Variants in KIF16B observed in about 807,000 individuals in gnomAD.
The protein encoded by KIF16B is kinesin family member 16B.
A neutral mutation model predicts 156.3 loss-of-function variants in KIF16B; 98 were observed. The ratio of observed to expected loss-of-function variants is 0.63; its 90% CI spans 0.53 to 0.74. The LOEUF (loss-of-function observed/expected upper bound fraction) is 0.74. Among genes scored for constraint, KIF16B ranks in the 30% least tolerant of loss-of-function variants. The pLI is 0.00. For synonymous variants in KIF16B, 564 were observed against 583.7 expected (o/e 0.97, Z 0.49); for missense variants, 1,421 against 1,606.5 (o/e 0.88, Z 1.97).
chr20:16,316,127 T>C (rs959227594), intron 24 of KIF16B, among the ~76,000 whole-genome samples: 5 of 152,200 alleles, frequency 3.3e-5, no homozygotes, highest in Non-Finnish European at 7.3e-5. Context: ...AAATTGCCAG[T>C]TCTGTAAGTT....
intron 1 of KIF16B, among the ~76,000 whole-genome samples, chr20:16,549,797 T>G: frequency 7.8e-6 from 1 of 128,530 alleles, no homozygotes; most frequent in Non-Finnish European, 1.6e-5. Context: ...TAGCCATATG[T>G]AGGAAGCTGA....
At chr20:16,403,596 G>T (rs941269173) in intron 17 of KIF16B, among the ~76,000 whole-genome samples, 4 of 152,174 alleles carry the variant, frequency 2.6e-5, no homozygotes, top group African/African-American at 9.7e-5. Context: ...GGAAAGCGGG[G>T]GTGGGGGCGC....
intron 25 of KIF16B, among the ~76,000 whole-genome samples, chr20:16,276,225 T>G (rs1255635718): frequency 6.6e-6 from 1 of 152,100 alleles, no homozygotes; most frequent in Non-Finnish European, 1.5e-5. Context: ...GTACACAAAG[T>G]AGGGTCCCTA....
intron 22 of KIF16B, chr20:16,368,775 G>A: frequency 2.0e-6 from 2 of 985,838 alleles, no homozygotes; most frequent in Non-Finnish European, 2.4e-6. Flanking sequence ...ACAGAACCAA[G>A]CAGAGCACCT....
rs758327212 is a variant in KIF16B, at chr20:16,406,397, C to A, written c.1672G>T (p.Ala558Ser). ...ACCTTCCTCTTCTCCCTGAGCTTGG[C>A]GGCTTCCTTTGGATGGTTAAAGCGA... ...MFRFNHPKEA[A>S]KLREKRKSGL... The change falls in exon 16 of 26, where the codon GCC (alanine) becomes TCC (serine). Residue 558 changes from alanine (A) to serine (S), a missense_variant. Transcript: ENST00000354981. 1 of 1,613,516 alleles carries A rather than the reference C, an allele frequency of 6.2e-7. No individual in the cohort carries two copies. Among genetic ancestry groups the A allele is most frequent in the Admixed American group, 1.7e-5 (1 of 59,996 alleles).
chr20:16,536,694 A>G (rs1311527811), intron 1 of KIF16B, among the ~76,000 whole-genome samples: 1 of 152,168 alleles, frequency 6.6e-6, no homozygotes, highest in Non-Finnish European at 1.5e-5. Flanking sequence ...TCTTTGTTAC[A>G]TGTCTTCCTT....
Position 16,356,440 on chromosome 20 carries a change from G to A in KIF16B, c.3511C>T (p.Arg1171Cys), listed in dbSNP as rs1235948663. ...RKLKYERMVS[R>C]SLGANPDDLK... ...TCATCTGGATTTGCGCCCAAAGAGCGAGAAACCATCCGCTATCAAAGGCAT... is the reference window on the plus strand; with the variant it reads ...TCATCTGGATTTGCGCCCAAAGAGCAAGAAACCATCCGCTATCAAAGGCAT... Residue 1171 changes from arginine to cysteine, a missense_variant, in exon 23 of 26, where the codon CGC becomes TGC. Coordinates refer to ENST00000354981, the MANE Select transcript of KIF16B (RefSeq NM_024704.5). 9 of 1,614,066 alleles carry A rather than the reference G, an allele frequency of 5.6e-6. No homozygotes were observed. The highest frequency in any genetic ancestry group is 2.7e-5 in the African/African-American group (2 of 75,028).
At chr20:16,304,492 C>T (rs1444161306) in intron 25 of KIF16B, among the ~76,000 whole-genome samples, 1 of 152,128 alleles carries the variant, frequency 6.6e-6, no homozygotes, top group East Asian at 1.9e-4. Flanking sequence ...TTCAAAAATG[C>T]TTTGCTGCTG....
intron 22 of KIF16B, among the ~76,000 whole-genome samples, chr20:16,366,333 G>A (rs1338453537): frequency 6.6e-6 from 1 of 152,130 alleles, no homozygotes; most frequent in East Asian, 1.9e-4. Flanking sequence ...CCTCTAAGGG[G>A]ACTATATATT....
At chr20:16,474,491 G>C (rs1235094398) in intron 12 of KIF16B, among the ~76,000 whole-genome samples, 1 of 152,150 alleles carries the variant, frequency 6.6e-6, no homozygotes, top group Admixed American at 6.5e-5. Context: ...TTTTATTGAG[G>C]ACAGCAATAT....
chr20:16,367,022 G>T, intron 22 of KIF16B: 1 of 1,348,322 alleles, frequency 7.4e-7, no homozygotes. Flanking sequence ...TTAGAGGTCT[G>T]CATTTTTCCA....
At chr20:16,420,521 G>A (rs2066199794) in intron 15 of KIF16B, among the ~76,000 whole-genome samples, 1 of 152,088 alleles carries the variant, frequency 6.6e-6, no homozygotes. Context: ...AACTGGAAAG[G>A]GGTGGTGGAA....
chr20:16,348,288 G>A (rs1568871679), intron 23 of KIF16B, among the ~76,000 whole-genome samples: 1 of 152,236 alleles, frequency 6.6e-6, no homozygotes, highest in Non-Finnish European at 1.5e-5. Context: ...ACATTAAAAT[G>A]AGTAAGTAAG....
At chr20:16,435,729 C>T (rs2066624725) in intron 12 of KIF16B, among the ~76,000 whole-genome samples, 1 of 152,098 alleles carries the variant, frequency 6.6e-6, no homozygotes, top group Non-Finnish European at 1.5e-5. Flanking sequence ...CTTGATCATT[C>T]CATTTGTGTT....
At chr20:16,396,511 T>TATATATAAATGTGTGTAC (rs1568932652) in intron 17 of KIF16B, among the ~76,000 whole-genome samples, 2 of 151,922 alleles carry the variant, frequency 1.3e-5, no homozygotes, top group Non-Finnish European at 2.9e-5. Context: ...TATAAATATA[T>TATATATAAATGTGTGTAC]ATATATAAAT....
At chr20:16,397,299 T>G (rs551861056) in intron 17 of KIF16B, among the ~76,000 whole-genome samples, 2 of 152,350 alleles carry the variant, frequency 1.3e-5, no homozygotes, top group East Asian at 3.9e-4. Context: ...CAGGCTTCTC[T>G]GCCTAATCCA....
At chr20:16,298,533 T>A (rs1285929949) in intron 25 of KIF16B, among the ~76,000 whole-genome samples, 1 of 152,178 alleles carries the variant, frequency 6.6e-6, no homozygotes, top group Non-Finnish European at 1.5e-5. Flanking sequence ...CTGATGGTAG[T>A]TTGTATTTAT....
At chr20:16,326,009 A>G (rs2063841671) in intron 24 of KIF16B, among the ~76,000 whole-genome samples, 1 of 152,084 alleles carries the variant, frequency 6.6e-6, no homozygotes, top group Non-Finnish European at 1.5e-5. Context: ...CTTACAGCCA[A>G]CTGATCTTTG....
At chr20:16,301,626 T>C (rs1183454800) in intron 25 of KIF16B, among the ~76,000 whole-genome samples, 3 of 152,120 alleles carry the variant, frequency 2.0e-5, no homozygotes, top group African/African-American at 7.2e-5. Flanking sequence ...TATATCTTCT[T>C]TGGTGAGATG....
Sources: gnomAD v4.1 joint callset for allele counts (sites outside exome capture counted in the v4.1 genomes callset) on GRCh38, gnomAD v4.1.1 for gene constraint, MANE v1.5 for transcripts, NCBI Gene and HGNC (gene_info 2026-07-23, HGNC 2026-07-21) for gene names.